The following NRSN1 variants were observed in gnomAD, a reference collection of about 807,000 sequenced individuals.
NRSN1 encodes the protein neurensin-1.
NRSN1 carries 14 observed loss-of-function variants against 17.3 expected under a neutral mutation model. That is an observed-to-expected ratio of 0.81 (90% CI 0.54 to 1.27). The LOEUF is 1.27. NRSN1 is among the 50% of genes most tolerant of loss of function. The probability of loss-of-function intolerance (pLI) is 0.00; values close to 1 mark genes in which losing one functional copy is unlikely to be tolerated. For missense variants in NRSN1, 209 were observed against 235.9 expected (o/e 0.89, Z 0.75); for synonymous variants, 79 against 94.2 (o/e 0.84, Z 0.93).
chr6:24,146,519 T>G lies in NRSN1; in HGVS notation c.*573T>G, dbSNP rs1760308679. ...CAAATCTTTTTGTTTTCTCCATTTT[T>G]TTTCCCTTTGAGATGAAGTGCTGTT... is the stretch of plus-strand genomic sequence containing the variant. On this transcript the variant is annotated 3_prime_UTR_variant, in exon 4 of 4. Transcript: ENST00000378491. 3 of 342,348 alleles carry G rather than the reference T, an allele frequency of 8.8e-6. No individual in the cohort carries two copies. Among genetic ancestry groups the G allele is most frequent in the South Asian group, 6.9e-5 (3 of 43,406 alleles). The allele number at this position is 342,348 out of a possible 1,614,324, so 21.2% of individuals were successfully genotyped here. A position where few individuals can be genotyped will look rare whatever the true frequency, so the allele number is the denominator to read the frequency against.
intron 3 of NRSN1, among the ~76,000 whole-genome samples, chr6:24,138,275 A>G (rs535886549): frequency 6.6e-6 from 1 of 152,102 alleles, no homozygotes; most frequent in African/African-American, 2.4e-5. Flanking sequence ...CTTCTAATTT[A>G]TCCCACTGCC....
At chr6:24,141,150 G>GCCAATGCCT in intron 3 of NRSN1, 1 of 1,272,776 alleles carries the variant, frequency 7.9e-7, no homozygotes, top group East Asian at 3.1e-5. Flanking sequence ...CCTAAACGAG[G>GCCAATGCCT]CTGCTTTGCT....
chr6:24,140,970 G>A (rs200594950), intron 3 of NRSN1: 16 of 1,399,670 alleles, frequency 1.1e-5, no homozygotes, highest in South Asian at 1.1e-4. Flanking sequence ...GAGTGGAATC[G>A]GAAGTTACAG....
At chr6:24,140,092 T>C (rs879635009) in intron 3 of NRSN1, among the ~76,000 whole-genome samples, 2 of 152,164 alleles carry the variant, frequency 1.3e-5, no homozygotes, top group Non-Finnish European at 2.9e-5. Context: ...TTAATATCAA[T>C]GAACGTAGAA....
chr6:24,142,130 C>T (rs1404196622), intron 3 of NRSN1, among the ~76,000 whole-genome samples: 1 of 142,168 alleles, frequency 7.0e-6, no homozygotes, highest in Admixed American at 7.3e-5. Flanking sequence ...AGAAAGCAAT[C>T]CAAAATGTTA....
chr6:24,136,133 GATACTTATAGCACCAACCAC>G (rs980368692), intron 3 of NRSN1, among the ~76,000 whole-genome samples: 6 of 152,266 alleles, frequency 3.9e-5, no homozygotes, highest in African/African-American at 1.4e-4. Flanking sequence ...CTCTAATGGT[GATACTTATAGCACCAACCAC>G]ATAAAAGATA....
rs1201392103 is a variant in NRSN1 at position 24,146,215 on chromosome 6, A to G, written c.*269A>G. 1 of 667,520 alleles carries G rather than the reference A, an allele frequency of 1.5e-6. No individual in the cohort carries two copies. The highest frequency in any genetic ancestry group is 1.5e-5 in the South Asian group (1 of 66,352). The allele number at this position is 667,520 out of a possible 1,614,324, so 41.3% of individuals were successfully genotyped here. A position where few individuals can be genotyped will look rare whatever the true frequency, so the allele number is the denominator to read the frequency against. On this transcript the variant is annotated 3_prime_UTR_variant, in exon 4 of 4. Transcript: ENST00000378491. ...AGAAAACCCCTGGAACTCCTCTTTC[A>G]TAGATCGTGACTTTGTGTTATTTTC...
chr6:24,136,981 G>A (rs1208912155), intron 3 of NRSN1, among the ~76,000 whole-genome samples: 1 of 152,182 alleles, frequency 6.6e-6, no homozygotes, highest in Non-Finnish European at 1.5e-5. Flanking sequence ...GATTTATGAA[G>A]TGCTTTGTAC....
At chr6:24,134,004 T>TGTGTGTGTG (rs1760075346) in intron 2 of NRSN1, among the ~76,000 whole-genome samples, 1 of 132,858 alleles carries the variant, frequency 7.5e-6, no homozygotes, top group Non-Finnish European at 1.6e-5. Context: ...ACCCAGCTAA[T>TGTGTGTGTG]TGTGTGTGTG....
At chr6:24,134,589 G>A (rs1037892039) in intron 3 of NRSN1, 73 bp downstream of exon 3, 2 of 1,241,224 alleles carry the variant, frequency 1.6e-6, no homozygotes, top group African/African-American at 2.9e-5. Context: ...CAGCTGTGGA[G>A]GATGGAGAGG....
intron 3 of NRSN1, 50 bp downstream of exon 3, chr6:24,134,566 A>G (rs1389075033): frequency 8.8e-6 from 13 of 1,475,888 alleles, no homozygotes; most frequent in Non-Finnish European, 1.2e-5. Flanking sequence ...ATTATTGGAC[A>G]TGGTTAATAC....
At chr6:24,141,407 C>G in intron 3 of NRSN1, 1 of 346,786 alleles carries the variant, frequency 2.9e-6, no homozygotes, top group Non-Finnish European at 4.7e-6. Context: ...CTCCTTCGTA[C>G]CTATCATCCC....
In NRSN1 at chr6:24,146,999, A is replaced by G. The variant is rs901506610; in HGVS notation, c.*1053A>G. ...CCATGTGTCATCGAGTCGCTCCCCAACAGATGTTTGTGATGTTTTTGTGGC... is the reference window on the plus strand; with the variant it reads ...CCATGTGTCATCGAGTCGCTCCCCAGCAGATGTTTGTGATGTTTTTGTGGC... On this transcript the variant is annotated 3_prime_UTR_variant, in exon 4 of 4. Transcript: ENST00000378491. 4 of 152,214 alleles carry G rather than the reference A, an allele frequency of 2.6e-5. No individual in the cohort carries two copies. The highest frequency in any genetic ancestry group is 6.5e-5 in the Admixed American group (1 of 15,284). The allele number at this position is 152,214 out of a possible 1,614,324, so 9.4% of individuals were successfully genotyped here.
At chr6:24,142,212 T>TTTTTTTTTTTTTTTTTTTTTTA (rs1484150562) in intron 3 of NRSN1, among the ~76,000 whole-genome samples, 1 of 134,512 alleles carries the variant, frequency 7.4e-6, no homozygotes, top group African/African-American at 2.7e-5. Flanking sequence ...TTTTTTTTTT[T>TTTTTTTTTTTTTTTTTTTTTTA]TTCAGAAGAC....
In NRSN1 at chr6:24,142,212, T is replaced by TTTTTTTTTTTTTTTTTTTTTTTTTC. The variant is rs1484150562; in HGVS notation, c.190-3334_190-3333insTTTTTTTTTTTTTTTTTTTTTTCTT. Among the ~76,000 whole-genome samples the TTTTTTTTTTTTTTTTTTTTTTTTTC allele has an allele frequency of 5.9e-5, 8 of 134,508 alleles. 1 individual carries two copies. The highest frequency in any genetic ancestry group is 7.9e-5 in the Admixed American group (1 of 12,724). 88.2% of individuals were successfully genotyped at this position (134,508 alleles called of 152,430 possible). The stretch of plus-strand genomic sequence containing the variant: ...ACAGCTTTTTTTTTTTTTTTTTTTT[T>TTTTTTTTTTTTTTTTTTTTTTTTTC]TTCAGAAGACATCCTATTGACTCTT... On this transcript the variant is annotated intron_variant, in intron 3 of 3. Transcript: ENST00000378491.
chr6:24,146,113 G>A lies in NRSN1; in HGVS notation c.*167G>A. On this transcript the variant is annotated 3_prime_UTR_variant, in exon 4 of 4. Transcript: ENST00000378491. ...CTTGCTCAGTTCAGGCAGCTCTGCT[G>A]GAGGGCGGTGCCATGCCTAAGCCTG... 5.2e-6 allele frequency: 4 copies of A among 770,118 alleles called. No individual in the cohort carries two copies. The highest frequency in any genetic ancestry group is 1.5e-5 in the South Asian group (1 of 68,628). 47.7% of individuals were successfully genotyped at this position (770,118 alleles called of 1,614,324 possible). A position where few individuals can be genotyped will look rare whatever the true frequency, so the allele number is the denominator to read the frequency against.
intron 3 of NRSN1, chr6:24,141,367 C>A: frequency 1.6e-6 from 1 of 627,796 alleles, no homozygotes; most frequent in Non-Finnish European, 2.2e-6. Flanking sequence ...CCCAACTGCT[C>A]TCCTCACCTC....
At chr6:24,132,213 T>A (rs916673701) in intron 2 of NRSN1, among the ~76,000 whole-genome samples, 1 of 152,248 alleles carries the variant, frequency 6.6e-6, no homozygotes, top group East Asian at 1.9e-4. Flanking sequence ...TATTTAAAGA[T>A]GTGCTAATGG....
chr6:24,136,351 C>G (rs1024621407), intron 3 of NRSN1, among the ~76,000 whole-genome samples: 2 of 151,984 alleles, frequency 1.3e-5, no homozygotes, highest in Non-Finnish European at 2.9e-5. Context: ...CATGGATAAC[C>G]CAAGACCTGT....
Sources: allele counts gnomAD v4.1 joint callset (sites outside exome capture counted in the v4.1 genomes callset), GRCh38; gene constraint gnomAD v4.1.1; transcripts MANE v1.5; gene names NCBI Gene and HGNC (gene_info 2026-07-23, HGNC 2026-07-21).